Variants in STAT1 observed in about 807,000 individuals in gnomAD.
STAT1 encodes signal transducer and activator of transcription 1, also known as signal transducer and activator of transcription 1-alpha/beta.
In STAT1, 24 loss-of-function variants were observed where a neutral mutation model predicts 111.7. That is an observed-to-expected ratio of 0.21 (90% confidence interval 0.16 to 0.30). STAT1 has a LOEUF of 0.30. Ranked by LOEUF, STAT1 falls within the 10% of genes least tolerant of loss-of-function variation. The pLI is 1.00. For missense variants in STAT1, 351 were observed against 911.9 expected (o/e 0.38, Z 7.92); for synonymous variants, 332 against 326.5 (o/e 1.02, Z -0.18).
At position 190,980,611 on chromosome 2, in the gene STAT1, A is replaced by G. The variant is rs763400566; in HGVS notation, c.1632+9T>C. On this transcript the variant is annotated intron_variant, in intron 19 of 24. Coordinates refer to ENST00000361099, the MANE Select transcript of STAT1 (RefSeq NM_007315.4). The surrounding 1 kb of genome is among the most constrained non-coding windows in gnomAD (Gnocchi z 6.1). ...GACTTAGAGAGCATAAAACCCAGACAGTCCTCACCTTACAAAACCTCGTCC... is the reference window on the plus strand; with the variant it reads ...GACTTAGAGAGCATAAAACCCAGACGGTCCTCACCTTACAAAACCTCGTCC... The G allele has an allele frequency of 4.3e-5, 69 of 1,614,210 alleles. No homozygotes were observed. In the South Asian group the frequency reaches 7.4e-4, roughly 17 times the overall value.
rs1484148783 is a variant in STAT1 at position 191,007,444 on chromosome 2, T to C, written c.372+119A>G. The stretch of plus-strand genomic sequence containing the variant: ...TCTCTAAATCTGATTCTCCCACTTC[T>C]TGGGGCTATAAAATTAGAGAGATAT... On this transcript the variant is annotated intron_variant, in intron 5 of 24. Coordinates refer to ENST00000361099, the MANE Select transcript of STAT1 (RefSeq NM_007315.4). This position sits in a 1 kb window ranked among gnomAD's most constrained non-coding sequence, Gnocchi z 4.2. 1 of 762,700 alleles carries C rather than the reference T, an allele frequency of 1.3e-6. No individual in the cohort carries two copies. Among genetic ancestry groups the C allele is most frequent in the African/African-American group, 1.8e-5 (1 of 56,488 alleles). The allele number at this position is 762,700 out of a possible 1,614,324, so 47.2% of individuals were successfully genotyped here.
Position 190,993,362 on chromosome 2 carries a change from TCTG to T in STAT1, c.944+1696_944+1698del. The T allele has an allele frequency of 9.0e-7, 1 of 1,108,902 alleles. No homozygotes were observed. The highest frequency in any genetic ancestry group is 1.3e-5 in the South Asian group (1 of 75,860). 68.7% of individuals were successfully genotyped at this position (1,108,902 alleles called of 1,614,324 possible). On this transcript the variant is annotated intron_variant, in intron 10 of 24. Transcript: ENST00000361099. This position sits in a 1 kb window ranked among gnomAD's most constrained non-coding sequence, Gnocchi z 4.1. ...GATGACTGTTCGAAACCTTTCCTGT[TCTG>T]CTGTGTTCCATATTTGAAGCTTGAT...
intron 14 of STAT1, among the ~76,000 whole-genome samples, 187 bp from the exon 15 acceptor site, chr2:190,985,847 C>G (rs952370919): frequency 3.3e-5 from 5 of 152,210 alleles, no homozygotes; most frequent in African/African-American, 9.6e-5. Context: ...TCCTCAGTGG[C>G]CTCATGGTGC....
rs1694177550 is a variant in STAT1 at position 191,000,343 on chromosome 2, G to A, written c.463-639C>T. On this transcript the variant is annotated intron_variant, in intron 6 of 24. Coordinates refer to ENST00000361099, the MANE Select transcript of STAT1 (RefSeq NM_007315.4). The surrounding 1 kb of genome is among the most constrained non-coding windows in gnomAD (Gnocchi z 4.8). Reference sequence around the variant, plus strand: ...TAATGAAATGTTTCCCTAGGAGACCGCAAGATGAAGTTGCTCCAAAGAATG... The same window carrying A: ...TAATGAAATGTTTCCCTAGGAGACCACAAGATGAAGTTGCTCCAAAGAATG... Among the ~76,000 whole-genome samples the A allele has an allele frequency of 6.6e-6, 1 of 152,156 alleles. No individual in the cohort carries two copies. Among genetic ancestry groups the A allele is most frequent in the South Asian group, 2.1e-4 (1 of 4,824 alleles).
rs762390015 is a variant in STAT1 at position 190,983,689 on chromosome 2, C to T, written c.1399G>A (p.Gly467Ser). The T allele has an allele frequency of 7.4e-6, 12 of 1,614,028 alleles. No homozygotes were observed. The highest frequency in any genetic ancestry group is 3.3e-5 in the South Asian group (3 of 91,078). ...VISNVSQLPS[G>S]WASILWYNML... ...TTGTACCAAAGGATGGAGGCCCAAC[C>T]GCTCGGGAGCTGGCTGACGTTGGAG... Residue 467 changes from glycine (G) to serine (S), a missense_variant, in exon 17 of 25, where the codon GGT becomes AGT. Transcript: ENST00000361099. This position sits in a 1 kb window ranked among gnomAD's most constrained non-coding sequence, Gnocchi z 5.7.
rs6734110 is a variant in STAT1 at position 190,973,616 on chromosome 2, T to C, written c.2238+1214A>G. ...TGAATAGGGCTTTATATTTATTCCA[T>C]TTTTGTGCCAGGCCTATAGCAGTGT... On this transcript the variant is annotated intron_variant, in intron 24 of 24. Coordinates refer to ENST00000361099, the MANE Select transcript of STAT1 (RefSeq NM_007315.4). The surrounding 1 kb of genome is among the most constrained non-coding windows in gnomAD (Gnocchi z 4.4). Among the ~76,000 whole-genome samples, 1,734 of 152,322 alleles carry C rather than the reference T, an allele frequency of 0.011. 37 individuals carry two copies. The highest frequency in any genetic ancestry group is 0.039 in the African/African-American group (1,622 of 41,570).
At position 190,986,244 on chromosome 2, in the gene STAT1, G is replaced by A. The variant is rs1328557377; in HGVS notation, c.1222-584C>T. Among the ~76,000 whole-genome samples, 1 of 152,162 alleles carries A rather than the reference G, an allele frequency of 6.6e-6. No individual in the cohort carries two copies. The highest frequency in any genetic ancestry group is 1.5e-5 in the Non-Finnish European group (1 of 68,030). On this transcript the variant is annotated intron_variant, in intron 14 of 24. Coordinates refer to ENST00000361099, the MANE Select transcript of STAT1 (RefSeq NM_007315.4). This position sits in a 1 kb window ranked among gnomAD's most constrained non-coding sequence, Gnocchi z 5.0. ...AAAGGATGCCTTTAACCTCCTGCAG[G>A]TTCTGGGCCCAGGGAAAGCTTCGGA...
At position 190,970,792 on chromosome 2, in the gene STAT1, T is replaced by TAGAA. The variant is rs1691395219; in HGVS notation, c.2239-76_2239-75insTTCT. 2 of 1,396,022 alleles carry TAGAA rather than the reference T, an allele frequency of 1.4e-6. No individual in the cohort carries two copies. The highest frequency in any genetic ancestry group is 2.8e-5 in the African/African-American group (2 of 70,494). 86.5% of individuals were successfully genotyped at this position (1,396,022 alleles called of 1,614,324 possible). On this transcript the variant is annotated intron_variant, in intron 24 of 24. Transcript: ENST00000361099. The surrounding 1 kb of genome is among the most constrained non-coding windows in gnomAD (Gnocchi z 5.4). ...TGCAGACTCATACATTAAACATTGCTTGTCTATTCTAGAATGAAGTAGTAG... is the reference window on the plus strand; with the variant it reads ...TGCAGACTCATACATTAAACATTGCTAGAATGTCTATTCTAGAATGAAGTAGTAG...
rs1056968597 is a variant in STAT1 at position 190,997,338 on chromosome 2, C to T, written c.785+518G>A. Among the ~76,000 whole-genome samples, 1 of 152,180 alleles carries T rather than the reference C, an allele frequency of 6.6e-6. No individual in the cohort carries two copies. Among genetic ancestry groups the T allele is most frequent in the Non-Finnish European group, 1.5e-5 (1 of 68,028 alleles). ...AGAGCACCTGGATACTTTTACCACA[C>T]GAATTATTACCATGTCTACATCCCC... On this transcript the variant is annotated intron_variant, in intron 9 of 24. Coordinates refer to ENST00000361099, the MANE Select transcript of STAT1 (RefSeq NM_007315.4). The surrounding 1 kb of genome is among the most constrained non-coding windows in gnomAD (Gnocchi z 7.3).
chr2:190,992,591 G>C, intron 10 of STAT1: 1 of 697,234 alleles, frequency 1.4e-6, no homozygotes, highest in South Asian at 5.1e-5. Context: ...TCTTCACTTG[G>C]GTTCAGATTG....
rs1346379867 is a variant in STAT1, at chr2:190,987,250, C to T, written c.1098-182G>A. ...TTCCATCTACCCATACTAGGTCTGG[C>T]AAGTATCACTGAATGACCTTTGGCA... is the stretch of plus-strand genomic sequence containing the variant. On this transcript the variant is annotated intron_variant, in intron 12 of 24. Coordinates refer to ENST00000361099, the MANE Select transcript of STAT1 (RefSeq NM_007315.4). This position sits in a 1 kb window ranked among gnomAD's most constrained non-coding sequence, Gnocchi z 4.0. 6.6e-6 allele frequency among the ~76,000 whole-genome samples: 1 copy of T among 152,194 alleles called. No homozygotes were observed. Among genetic ancestry groups the T allele is most frequent in the Non-Finnish European group, 1.5e-5 (1 of 68,036 alleles).
rs1384090178 is a variant in STAT1, at chr2:190,983,657, C to T, written c.1431G>A (p.Leu477=). The T allele has an allele frequency of 1.2e-6, 2 of 1,613,972 alleles. No individual in the cohort carries two copies. Among genetic ancestry groups the T allele is most frequent in the Admixed American group, 1.7e-5 (1 of 59,984 alleles). Residue 477 remains leucine, a synonymous_variant, in exon 17 of 25, where the codon CTG becomes CTA. Transcript: ENST00000361099. The surrounding 1 kb of genome is among the most constrained non-coding windows in gnomAD (Gnocchi z 5.7). The part of the protein sequence containing the change: ...GWASILWYNM[L]VAEPRNLSFF... ...TTTTCCATACCCTGGGTTCCGCCAC[C>T]AGCATGTTGTACCAAAGGATGGAGG...
At chr2:190,991,977 A>T (rs993053903) in intron 10 of STAT1, among the ~76,000 whole-genome samples, 1 of 152,374 alleles carries the variant, frequency 6.6e-6, no homozygotes, top group African/African-American at 2.4e-5. Flanking sequence ...AAAACCCAAC[A>T]TACAGGACTT....
intron 24 of STAT1, among the ~76,000 whole-genome samples, chr2:190,972,816 GGTGTGTGTGTGTGT>G (rs34975356): frequency 2.2e-5 from 3 of 136,354 alleles, no homozygotes; most frequent in Non-Finnish European, 3.2e-5. Context: ...GTGTATAGAG[GGTGTGTGTGTGTGT>G]GTGTGTGTGT....
chr2:190,985,478 T>C (rs1338859260), intron 15 of STAT1, 141 bp downstream of exon 15: 3 of 815,074 alleles, frequency 3.7e-6, no homozygotes, highest in Non-Finnish European at 6.3e-6. Context: ...GTCACAGATA[T>C]ACCAAATACC....
At chr2:190,992,542 T>C (rs1320207467) in intron 10 of STAT1, 1 of 328,310 alleles carries the variant, frequency 3.0e-6, no homozygotes, top group African/African-American at 2.2e-5. Flanking sequence ...GAATCTGTTG[T>C]AGTGCAGCTA....
intron 1 of STAT1, 36 bp from the exon 2 acceptor site, chr2:191,013,714 G>C: frequency 2.5e-6 from 1 of 398,746 alleles, no homozygotes; most frequent in Admixed American, 4.4e-5. Context: ...ATGGAAAGGG[G>C]TGGAAACGGG....
In STAT1 at chr2:190,984,408, G is replaced by C; in HGVS notation, c.1264-15C>G. On this transcript the variant is annotated splice_polypyrimidine_tract_variant and intron_variant, in intron 15 of 24. Coordinates refer to ENST00000361099, the MANE Select transcript of STAT1 (RefSeq NM_007315.4). The surrounding 1 kb of genome is among the most constrained non-coding windows in gnomAD (Gnocchi z 5.2). ...ATGAGAGGACCCTTGGAAGAGAAAA[G>C]GAAAGAAGAAAAGAATATAATTATT... 1 of 1,604,276 alleles carries C rather than the reference G, an allele frequency of 6.2e-7. No homozygotes were observed. Among genetic ancestry groups the C allele is most frequent in the Non-Finnish European group, 8.5e-7 (1 of 1,171,312 alleles).
At chr2:190,988,748 G>T (rs1216957543) in intron 12 of STAT1, among the ~76,000 whole-genome samples, 1 of 152,110 alleles carries the variant, frequency 6.6e-6, no homozygotes, top group Non-Finnish European at 1.5e-5. Flanking sequence ...ATGATGGCAG[G>T]GAAGACAAGG....
Sources: allele counts gnomAD v4.1 joint callset (sites outside exome capture counted in the v4.1 genomes callset), GRCh38; gene constraint gnomAD v4.1.1; non-coding constraint Gnocchi (gnomAD v3.1); transcripts MANE v1.5; gene names NCBI Gene and HGNC (gene_info 2026-07-23, HGNC 2026-07-21).